The following PRSS3 variants were observed in gnomAD, a reference collection of about 807,000 sequenced individuals.
PRSS3 encodes serine protease 3, also known as trypsin-3.
Under a neutral mutation model 20.8 loss-of-function variants are expected in PRSS3, and 14 were observed. The ratio of observed to expected loss-of-function variants is 0.67; its 90% confidence interval spans 0.44 to 1.05. The LOEUF (loss-of-function observed/expected upper bound fraction) is 1.05, where lower values mean the gene tolerates loss of function less well. PRSS3 is among the 50% of genes least tolerant of loss of function. PRSS3 has a pLI of 0.00. For missense variants in PRSS3, 237 were observed against 306.4 expected, an observed-to-expected ratio of 0.77 and a Z score of 1.69; for synonymous variants, 91 against 117.6, an observed-to-expected ratio of 0.77 and a Z score of 1.46.
intron 1 of PRSS3, among the ~76,000 whole-genome samples, chr9:33,787,426 G>C (rs1314846320): frequency 1.3e-5 from 2 of 152,112 alleles, no homozygotes; most frequent in Non-Finnish European, 2.9e-5. Flanking sequence ...GAGGTTTGGG[G>C]CATGTTGAAA....
rs774599558 is a variant in PRSS3, at chr9:33,795,650, C to T, written c.40+37C>T. ...GACCTGCCTCAGGCCCCACCCACCCCCTTTCCTGGCAGACACATGCCCTGC... is the reference window on the plus strand; with the variant it reads ...GACCTGCCTCAGGCCCCACCCACCCTCTTTCCTGGCAGACACATGCCCTGC... On this transcript the variant is annotated intron_variant, in intron 1 of 4. Coordinates refer to ENST00000379405, the MANE Select transcript of PRSS3 (RefSeq NM_002771.4). 3 of 1,610,534 alleles carry T rather than the reference C, an allele frequency of 1.9e-6. No homozygotes were observed. The South Asian group carries it at 3.3e-5, about 18-fold the overall frequency.
At chr9:33,782,949 C>T (rs189333058) in intron 1 of PRSS3, among the ~76,000 whole-genome samples, 4 of 152,072 alleles carry the variant, frequency 2.6e-5, no homozygotes, top group African/African-American at 7.2e-5. Flanking sequence ...TTCATCATTG[C>T]GAAAACCTGG....
intron 1 of PRSS3, 89 bp downstream of exon 1, chr9:33,795,702 C>T: frequency 6.8e-7 from 1 of 1,479,070 alleles, no homozygotes; most frequent in Non-Finnish European, 9.4e-7. Context: ...CCTCTTTTGA[C>T]TGCGCTCTGA....
chr9:33,777,757 G>A (rs1824004196), intron 1 of PRSS3, among the ~76,000 whole-genome samples: 1 of 149,912 alleles, frequency 6.7e-6, no homozygotes, highest in Non-Finnish European at 1.5e-5. Context: ...CTTCATCATT[G>A]TATTATAGGA....
At chr9:33,792,038 A>G (rs899123572), upstream of PRSS3, among the ~76,000 whole-genome samples, 1 of 152,186 alleles carries the variant, frequency 6.6e-6, no homozygotes, top group Non-Finnish European at 1.5e-5. Context: ...CCATATTACA[A>G]GTCAGACTTT....
chr9:33,771,605 G>T (rs1488016341), intron 1 of PRSS3, among the ~76,000 whole-genome samples: 3 of 149,648 alleles, frequency 2.0e-5, no homozygotes, highest in African/African-American at 7.4e-5. Flanking sequence ...GGGATTACAG[G>T]CATGAGCCAC....
chr9:33,794,863 A>T (rs1391393746), upstream of PRSS3: 1 of 1,550,846 alleles, frequency 6.4e-7, no homozygotes, highest in Non-Finnish European at 8.7e-7. Context: ...TCCATCCTCC[A>T]GATGCACTGA....
intron 1 of PRSS3, among the ~76,000 whole-genome samples, chr9:33,753,195 A>G (rs1175791222): frequency 6.6e-6 from 1 of 152,140 alleles, no homozygotes; most frequent in African/African-American, 2.4e-5. Flanking sequence ...CTGAACACTT[A>G]ATATGTTTTC....
intron 1 of PRSS3, among the ~76,000 whole-genome samples, chr9:33,759,297 T>C (rs1823076585): frequency 6.6e-6 from 1 of 152,028 alleles, no homozygotes; most frequent in Admixed American, 6.5e-5. Context: ...TAGTCAGATA[T>C]ACACGGAAGG....
At chr9:33,795,304 C>T (rs1169626997), upstream of PRSS3, among the ~76,000 whole-genome samples, 2 of 151,848 alleles carry the variant, frequency 1.3e-5, no homozygotes, top group Non-Finnish European at 2.9e-5. Flanking sequence ...GATTGGTTTC[C>T]CCTGTCTTCC....
chr9:33,777,488 C>T (rs1386512487), intron 1 of PRSS3, among the ~76,000 whole-genome samples: 2 of 142,018 alleles, frequency 1.4e-5, no homozygotes, highest in African/African-American at 2.6e-5. Context: ...AGATCGATAC[C>T]ATCCTGGCTA....
intron 1 of PRSS3, among the ~76,000 whole-genome samples, chr9:33,756,097 G>C (rs976154313): frequency 6.6e-6 from 1 of 152,070 alleles, no homozygotes; most frequent in Non-Finnish European, 1.5e-5. Flanking sequence ...CATAAGAGGC[G>C]GTTGCTTTTT....
chr9:33,796,587 A>G, intron 1 of PRSS3, 56 bp from the exon 2 acceptor site: 1 of 1,605,692 alleles, frequency 6.2e-7, no homozygotes, highest in Non-Finnish European at 8.5e-7. Flanking sequence ...GCAGGCTGGG[A>G]GCACCACCCC....
At chr9:33,767,545 C>T (rs752102889) in intron 1 of PRSS3, among the ~76,000 whole-genome samples, 10 of 151,942 alleles carry the variant, frequency 6.6e-5, no homozygotes, top group African/African-American at 9.7e-5. Flanking sequence ...ACTTTAGGGC[C>T]GGGCGCGGTG....
intron 1 of PRSS3, among the ~76,000 whole-genome samples, chr9:33,768,644 G>T (rs538467334): frequency 6.6e-6 from 1 of 151,846 alleles, no homozygotes; most frequent in East Asian, 1.9e-4. Flanking sequence ...ATCACCTGAG[G>T]TCAGGAGTTT....
intron 1 of PRSS3, among the ~76,000 whole-genome samples, chr9:33,754,361 C>T (rs921101136): frequency 4.5e-4 from 68 of 152,068 alleles, no homozygotes; most frequent in African/African-American, 1.5e-3. Flanking sequence ...TGAGCCGCCG[C>T]GCCTGGCTTG....
intron 1 of PRSS3, among the ~76,000 whole-genome samples, chr9:33,763,261 C>G (rs1447875728): frequency 1.3e-5 from 2 of 152,184 alleles, no homozygotes; most frequent in African/African-American, 4.8e-5. Context: ...TCTATCCTTT[C>G]CCTGAGACTC....
At position 33,799,029 on chromosome 9, in the gene PRSS3, G is replaced by A. The variant is rs201852545; in HGVS notation, c.593G>A (p.Arg198His). ...CAACTTGTCCCTTCTTCTCCCCAGC[G>A]TGACTCTGGTGGCCCTGTGGTCTGC... ...FLEGGKDSCQRDSGGPVVCNG... is the reference protein window; with the variant it reads ...FLEGGKDSCQHDSGGPVVCNG... The change falls in exon 5 of 5, where the codon CGT becomes CAT. Residue 198 changes from arginine to histidine, a missense_variant and splice_region_variant. Coordinates refer to ENST00000379405, the MANE Select transcript of PRSS3 (RefSeq NM_002771.4). The A allele has an allele frequency of 4.4e-5, 71 of 1,614,044 alleles. No homozygotes were observed. The South Asian group carries it at 5.1e-4, about 11-fold the overall frequency.
upstream of PRSS3, among the ~76,000 whole-genome samples, chr9:33,794,145 T>C (rs1248010042): frequency 1.3e-5 from 2 of 152,258 alleles, no homozygotes; most frequent in Admixed American, 6.5e-5. Context: ...TTCCATTTGC[T>C]TCCTCCCTCT....
Sources: allele counts gnomAD v4.1 joint callset (sites outside exome capture counted in the v4.1 genomes callset), GRCh38; gene constraint gnomAD v4.1.1; transcripts MANE v1.5; gene names NCBI Gene and HGNC (gene_info 2026-07-23, HGNC 2026-07-21).